Variants in SOX5 observed in about 807,000 individuals in gnomAD.
SOX5 encodes SRY-box transcription factor 5.
In SOX5, 9 loss-of-function variants were observed where a neutral mutation model predicts 92.0. The ratio of observed to expected loss-of-function variants is 0.10; its 90% CI spans 0.06 to 0.17. The LOEUF (loss-of-function observed/expected upper bound fraction) is 0.17. Ranked by LOEUF, SOX5 falls within the 10% of genes least tolerant of loss-of-function variation. The pLI is 1.00. For missense variants in SOX5, 642 were observed against 944.5 expected, an observed-to-expected ratio of 0.68 and a Z score of 4.20; for synonymous variants, 344 against 336.3, an observed-to-expected ratio of 1.02 and a Z score of -0.25.
At chr12:24,258,167 G>A (rs571795839) in intron 3 of SOX5, among the ~76,000 whole-genome samples, 5 of 151,864 alleles carry the variant, frequency 3.3e-5, no homozygotes, top group Admixed American at 1.3e-4. Flanking sequence ...GCAAGACTCC[G>A]TCAAAAAACA....
At chr12:24,396,495 G>C (rs1442361650) in intron 1 of SOX5, among the ~76,000 whole-genome samples, 1 of 152,214 alleles carries the variant, frequency 6.6e-6, no homozygotes, top group Admixed American at 6.5e-5. Flanking sequence ...GAGCTGCCCG[G>C]TTCCCATTGT....
intron 2 of SOX5, among the ~76,000 whole-genome samples, chr12:23,892,169 G>A (rs758272051): frequency 3.3e-5 from 5 of 152,186 alleles, no homozygotes; most frequent in Admixed American, 6.5e-5. Flanking sequence ...TCTCATGGAT[G>A]AAATAATAAT....
chr12:24,171,505 G>A (rs143823912), intron 4 of SOX5, among the ~76,000 whole-genome samples: 5,107 of 152,178 alleles, frequency 0.034, 117 homozygotes, highest in East Asian at 0.055. Context: ...TTACAGGCGT[G>A]AGCCACCATG....
chr12:24,171,236 T>TTTTTG (rs1954106823), intron 4 of SOX5, among the ~76,000 whole-genome samples: 2 of 130,220 alleles, frequency 1.5e-5, no homozygotes, highest in African/African-American at 2.9e-5. Context: ...TTTGTTTTTT[T>TTTTTG]TTTTGGAGAC....
intron 7 of SOX5, among the ~76,000 whole-genome samples, chr12:23,647,856 T>A (rs993574036): frequency 6.6e-6 from 1 of 152,244 alleles, no homozygotes; most frequent in African/African-American, 2.4e-5. Flanking sequence ...CTACTCAAAC[T>A]TCCTGCAACT....
At chr12:23,954,426 A>T (rs1946032597), upstream of SOX5, among the ~76,000 whole-genome samples, 1 of 151,808 alleles carries the variant, frequency 6.6e-6, no homozygotes, top group Non-Finnish European at 1.5e-5. Flanking sequence ...CAAAAAATTA[A>T]AATTAAAAAG....
chr12:24,443,969 T>C (rs1469863496), intron 1 of SOX5, among the ~76,000 whole-genome samples: 4 of 152,194 alleles, frequency 2.6e-5, no homozygotes, highest in Admixed American at 6.5e-5. Context: ...TTTAAGAAGC[T>C]TCCAGAAACC....
At chr12:24,187,882 C>T (rs2139367532) in intron 4 of SOX5, among the ~76,000 whole-genome samples, 1 of 152,284 alleles carries the variant, frequency 6.6e-6, no homozygotes, top group South Asian at 2.1e-4. Flanking sequence ...CCAAGTTTGA[C>T]TTTAAAATGG....
chr12:24,236,064 C>T (rs938069798), intron 3 of SOX5, among the ~76,000 whole-genome samples: 13 of 151,992 alleles, frequency 8.6e-5, no homozygotes, highest in Non-Finnish European at 1.8e-4. Flanking sequence ...TGGTGGCGGG[C>T]ACCTGTAGTC....
chr12:24,268,849 T>C (rs1943340592), intron 3 of SOX5, among the ~76,000 whole-genome samples: 1 of 152,202 alleles, frequency 6.6e-6, no homozygotes, highest in Non-Finnish European at 1.5e-5. Flanking sequence ...TATCTACAGG[T>C]GGCAGACCTT....
intron 1 of SOX5, among the ~76,000 whole-genome samples, chr12:24,378,871 G>T (rs1202134466): frequency 1.3e-5 from 2 of 152,176 alleles, no homozygotes; most frequent in African/African-American, 4.8e-5. Context: ...AGCTTTGGCT[G>T]TGGGTAACAT....
chr12:24,508,454 G>A (rs1224275846), intron 1 of SOX5, among the ~76,000 whole-genome samples: 2 of 152,152 alleles, frequency 1.3e-5, no homozygotes, highest in Non-Finnish European at 2.9e-5. Context: ...AAGAGGAAAG[G>A]CAAACTTGGA....
At chr12:24,414,759 C>A (rs982560053) in intron 1 of SOX5, among the ~76,000 whole-genome samples, 5 of 152,230 alleles carry the variant, frequency 3.3e-5, no homozygotes, top group African/African-American at 1.2e-4. Context: ...CTACCGCATT[C>A]TTAGACTGTT....
At chr12:23,665,025 T>A (rs1024210254) in intron 7 of SOX5, among the ~76,000 whole-genome samples, 1 of 152,014 alleles carries the variant, frequency 6.6e-6, no homozygotes, top group Non-Finnish European at 1.5e-5. Flanking sequence ...GTCTAAGAAC[T>A]AAAAAGACTG....
intron 6 of SOX5, among the ~76,000 whole-genome samples, chr12:23,704,881 A>AT (rs67176045): frequency 6.0e-5 from 9 of 150,158 alleles, no homozygotes; most frequent in Middle Eastern, 3.5e-3. Flanking sequence ...ATTCTGTTAA[A>AT]TTTTTTTTTG....
intron 1 of SOX5, among the ~76,000 whole-genome samples, chr12:24,483,266 A>C (rs1426105659): frequency 1.3e-5 from 2 of 152,222 alleles, no homozygotes; most frequent in Non-Finnish European, 2.9e-5. Flanking sequence ...AAAAGAGAAT[A>C]ATAATATGTA....
intron 4 of SOX5, among the ~76,000 whole-genome samples, chr12:24,172,432 A>C (rs1312269766): frequency 6.6e-6 from 1 of 152,088 alleles, no homozygotes; most frequent in Non-Finnish European, 1.5e-5. Context: ...CCAGCTACTC[A>C]GGAAGCTGAG....
intron 4 of SOX5, among the ~76,000 whole-genome samples, chr12:24,124,577 A>G (rs1308074119): frequency 2.2e-5 from 3 of 134,242 alleles, no homozygotes; most frequent in African/African-American, 2.5e-5. Context: ...AAAAAAAAAG[A>G]AAAAAAGAAA....
At chr12:24,314,105 G>C (rs1030155143) in intron 2 of SOX5, among the ~76,000 whole-genome samples, 1 of 152,062 alleles carries the variant, frequency 6.6e-6, no homozygotes, top group African/African-American at 2.4e-5. Context: ...CCATGATCTC[G>C]TCTGGCTTAT....
Sources: allele counts gnomAD v4.1 joint callset (sites outside exome capture counted in the v4.1 genomes callset), GRCh38; gene constraint gnomAD v4.1.1; transcripts MANE v1.5; gene names NCBI Gene and HGNC (gene_info 2026-07-23, HGNC 2026-07-21).